Variants in GTF2F2 observed in about 807,000 individuals in gnomAD.
The protein encoded by GTF2F2 is general transcription factor IIF subunit 2, also known as ATP-dependent helicase GTF2F2.
Under a neutral mutation model 42.2 loss-of-function variants are expected in GTF2F2, and 23 were observed. The observed-to-expected ratio is 0.55, with a 90% confidence interval of 0.39 to 0.77. GTF2F2 has a LOEUF of 0.77. Among genes scored for constraint, GTF2F2 ranks in the 30% least tolerant of loss-of-function variants. GTF2F2 has a pLI of 0.00. For synonymous variants in GTF2F2, 105 were observed against 100.8 expected (o/e 1.04, Z -0.25); for missense variants, 261 against 287.2 (o/e 0.91, Z 0.66).
chr13:45,205,607 C>T (rs146565148), intron 4 of GTF2F2, among the ~76,000 whole-genome samples: 1,908 of 152,270 alleles, frequency 0.013, 42 homozygotes, highest in African/African-American at 0.04. Context: ...GCAACCTTTG[C>T]CTCCTGGGTT....
intron 2 of GTF2F2, among the ~76,000 whole-genome samples, chr13:45,140,853 G>A (rs141373334): frequency 6.6e-6 from 1 of 152,212 alleles, no homozygotes; most frequent in Non-Finnish European, 1.5e-5. Flanking sequence ...AGAGTACTTA[G>A]ATGATGAACC....
chr13:45,217,404 A>G lies in GTF2F2; in HGVS notation c.386+9899A>G, dbSNP rs534720754. The stretch of plus-strand genomic sequence containing the variant: ...CACCAAACTCCAGCTACACTTTTTA[A>G]AATAAACCATTACTCACATTTTGCT... On this transcript the variant is annotated intron_variant, in intron 5 of 7. Coordinates refer to ENST00000340473, the MANE Select transcript of GTF2F2 (RefSeq NM_004128.3). 3.9e-5 allele frequency among the ~76,000 whole-genome samples: 6 copies of G among 152,102 alleles called. No homozygotes were observed. In the South Asian group the frequency reaches 1.2e-3, roughly 32 times the overall value.
intron 1 of GTF2F2, among the ~76,000 whole-genome samples, chr13:45,125,237 A>G (rs1868917346): frequency 6.6e-6 from 1 of 152,230 alleles, no homozygotes; most frequent in Non-Finnish European, 1.5e-5. Flanking sequence ...GCATGGAAAT[A>G]GTGATTCAAA....
At chr13:45,185,371 T>C (rs1457494310) in intron 4 of GTF2F2, among the ~76,000 whole-genome samples, 3 of 152,214 alleles carry the variant, frequency 2.0e-5, no homozygotes, top group African/African-American at 7.2e-5. Flanking sequence ...TTTTATGTTC[T>C]AAATCTCAAT....
intron 5 of GTF2F2, among the ~76,000 whole-genome samples, chr13:45,228,537 A>G (rs1441875252): frequency 2.0e-5 from 3 of 148,964 alleles, no homozygotes; most frequent in South Asian, 2.1e-4. Context: ...TCTGCTTACC[A>G]TGCTCACACA....
Position 45,243,953 on chromosome 13 carries a change from G to A in GTF2F2, c.387-8918G>A, listed in dbSNP as rs140643903. On this transcript the variant is annotated intron_variant, in intron 5 of 7. Transcript: ENST00000340473. Reference sequence around the variant, plus strand: ...TGGGATTACAGGCGTGAGCCACTGCGCCCTGCCAGTTTTTTGTTTTTTTAA... The same window carrying A: ...TGGGATTACAGGCGTGAGCCACTGCACCCTGCCAGTTTTTTGTTTTTTTAA... Among the ~76,000 whole-genome samples, 562 of 152,324 alleles carry A rather than the reference G, an allele frequency of 3.7e-3. 8 individuals carry two copies. The highest frequency in any genetic ancestry group is 0.03 in the Admixed American group (463 of 15,300).
chr13:45,157,496 C>T (rs1480996356), intron 4 of GTF2F2, among the ~76,000 whole-genome samples: 2 of 151,782 alleles, frequency 1.3e-5, no homozygotes, highest in African/African-American at 4.9e-5. Flanking sequence ...GGGCTGGAAC[C>T]GGGAGGCTCT....
chr13:45,240,295 A>T (rs1875223490), intron 5 of GTF2F2, among the ~76,000 whole-genome samples: 1 of 151,584 alleles, frequency 6.6e-6, no homozygotes, highest in African/African-American at 2.4e-5. Context: ...GTTATTTCCC[A>T]CTTGTGTCAT....
At chr13:45,193,974 G>T in intron 4 of GTF2F2, 1 of 1,614,044 alleles carries the variant, frequency 6.2e-7, no homozygotes, top group Non-Finnish European at 8.5e-7. Context: ...ACTTTATGAA[G>T]TATTTAAATT....
At chr13:45,271,779 T>A (rs906144116) in intron 7 of GTF2F2, among the ~76,000 whole-genome samples, 1 of 152,180 alleles carries the variant, frequency 6.6e-6, no homozygotes, top group Non-Finnish European at 1.5e-5. Flanking sequence ...CTCAAACTCC[T>A]GACCTCAGGT....
At chr13:45,152,040 C>T (rs185069962) in intron 4 of GTF2F2, among the ~76,000 whole-genome samples, 7 of 151,854 alleles carry the variant, frequency 4.6e-5, no homozygotes, top group East Asian at 1.9e-4. Context: ...CTCAGCCCCC[C>T]GAGTAGCTGG....
intron 4 of GTF2F2, among the ~76,000 whole-genome samples, chr13:45,205,814 G>T (rs1194080868): frequency 1.3e-5 from 2 of 152,064 alleles, no homozygotes; most frequent in African/African-American, 2.4e-5. Flanking sequence ...CACCGTGGCC[G>T]ACCTAGATTT....
At chr13:45,281,317 A>G (rs1021038125) in intron 7 of GTF2F2, among the ~76,000 whole-genome samples, 1 of 152,168 alleles carries the variant, frequency 6.6e-6, no homozygotes, top group African/African-American at 2.4e-5. Flanking sequence ...GAACCTCTGT[A>G]TACTTCCAGT....
intron 5 of GTF2F2, among the ~76,000 whole-genome samples, chr13:45,232,550 G>A (rs955741885): frequency 3.9e-5 from 6 of 152,066 alleles, no homozygotes; most frequent in African/African-American, 7.2e-5. Flanking sequence ...CAGGAGGATC[G>A]CTTGAGTCCA....
At chr13:45,207,766 T>A (rs1425551634) in intron 5 of GTF2F2, among the ~76,000 whole-genome samples, 3 of 152,234 alleles carry the variant, frequency 2.0e-5, no homozygotes, top group Non-Finnish European at 4.4e-5. Flanking sequence ...TTTCTAGTTG[T>A]CTTTATAAAT....
chr13:45,133,729 T>TA (rs1202501352), intron 1 of GTF2F2, among the ~76,000 whole-genome samples: 1 of 152,210 alleles, frequency 6.6e-6, no homozygotes, highest in Non-Finnish European at 1.5e-5. Flanking sequence ...ATGAACCTGT[T>TA]ACAATTTGAT....
intron 1 of GTF2F2, among the ~76,000 whole-genome samples, chr13:45,130,265 T>G (rs1227720504): frequency 1.3e-5 from 2 of 152,236 alleles, no homozygotes; most frequent in Non-Finnish European, 2.9e-5. Flanking sequence ...AAATAATAGC[T>G]TTTTGGTGCT....
chr13:45,196,586 A>G (rs1485859443), intron 4 of GTF2F2, among the ~76,000 whole-genome samples: 3 of 152,228 alleles, frequency 2.0e-5, no homozygotes, highest in Non-Finnish European at 4.4e-5. Flanking sequence ...AAGGCATAAC[A>G]ATTTCATTTA....
chr13:45,155,496 G>A (rs9595251), intron 4 of GTF2F2, among the ~76,000 whole-genome samples: 26,062 of 152,058 alleles, frequency 0.17, 2,562 homozygotes, highest in Non-Finnish European at 0.22. Flanking sequence ...TTTTTGAGAG[G>A]TCTCCTTTGA....
Sources: allele counts gnomAD v4.1 joint callset (sites outside exome capture counted in the v4.1 genomes callset), GRCh38; gene constraint gnomAD v4.1.1; transcripts MANE v1.5; gene names NCBI Gene and HGNC (gene_info 2026-07-23, HGNC 2026-07-21).